OPCML: variants seen among roughly 807,000 people sequenced by gnomAD.
OPCML encodes opioid-binding protein/cell adhesion molecule.
OPCML carries 13 observed loss-of-function variants against 37.8 expected under a neutral mutation model. That is an observed-to-expected ratio of 0.34 (90% confidence interval 0.22 to 0.55). The LOEUF is 0.55. Ranked by LOEUF, OPCML falls within the 20% of genes least tolerant of loss-of-function variation. The pLI, the probability that OPCML is intolerant of heterozygous loss-of-function variation, is 0.91. For missense variants in OPCML, 341 were observed against 435.6 expected (o/e 0.78, Z 1.93); for synonymous variants, 176 against 168.8 (o/e 1.04, Z -0.33).
chr11:132,515,358 G>C (rs1004185371), intron 4 of OPCML, among the ~76,000 whole-genome samples: 2 of 152,140 alleles, frequency 1.3e-5, no homozygotes, highest in African/African-American at 4.8e-5. Context: ...TTTGATTAAG[G>C]AGGCTTCCCA....
rs552154053 is a variant in OPCML, at chr11:133,206,503, G to T, written c.62-263493C>A. On this transcript the variant is annotated intron_variant, in intron 1 of 7. Coordinates refer to ENST00000524381, the MANE Select transcript of OPCML (RefSeq NM_001012393.5). The surrounding 1 kb of genome is among the most constrained non-coding windows in gnomAD (Gnocchi z 4.7). ...ATTCTTCCGTTAAAGTTGTGAAAGC[G>T]TGTTAAGAGAGGAAGAGAAACACCC... Among the ~76,000 whole-genome samples the T allele has an allele frequency of 6.6e-6, 1 of 152,190 alleles. No homozygotes were observed. Among genetic ancestry groups the T allele is most frequent in the Non-Finnish European group, 1.5e-5 (1 of 68,038 alleles).
intron 1 of OPCML, among the ~76,000 whole-genome samples, chr11:133,228,928 T>C (rs1368453086): frequency 1.3e-5 from 2 of 152,236 alleles, no homozygotes; most frequent in Admixed American, 6.5e-5. Flanking sequence ...AGACTTTTTA[T>C]GTGCTGAGGT....
chr11:133,447,762 A>C (rs1659961722), intron 1 of OPCML, among the ~76,000 whole-genome samples: 2 of 152,180 alleles, frequency 1.3e-5, no homozygotes, highest in South Asian at 4.1e-4. Context: ...TTATTTATCC[A>C]GTCCACCACT....
chr11:132,748,865 C>T (rs1345272978), intron 2 of OPCML, among the ~76,000 whole-genome samples: 4 of 152,176 alleles, frequency 2.6e-5, no homozygotes, highest in Admixed American at 6.5e-5. Context: ...TTCCACAGGG[C>T]GGCTGAGGTG....
chr11:133,415,054 C>T (rs997308843), intron 1 of OPCML, among the ~76,000 whole-genome samples: 40 of 152,090 alleles, frequency 2.6e-4, no homozygotes, highest in African/African-American at 8.9e-4. Flanking sequence ...TGTGAATTTG[C>T]GAGTTATTTA....
At position 132,552,950 on chromosome 11, in the gene OPCML, G is replaced by A. The variant is rs539471492; in HGVS notation, c.380-23764C>T. Among the ~76,000 whole-genome samples, 6 of 151,870 alleles carry A rather than the reference G, an allele frequency of 4.0e-5. No individual in the cohort carries two copies. The South Asian group carries it at 1.3e-3, about 32-fold the overall frequency. On this transcript the variant is annotated intron_variant, in intron 3 of 7. Transcript: ENST00000524381. ...CTGGCTAATTTTTGTATTTTTAGTA[G>A]ATACGGTGTTTCACAGTGTTAGCCA...
chr11:133,382,511 G>C (rs1306758050), intron 1 of OPCML, among the ~76,000 whole-genome samples: 1 of 152,068 alleles, frequency 6.6e-6, no homozygotes, highest in Non-Finnish European at 1.5e-5. Context: ...CTGGCCTGGG[G>C]TCACACACCC....
chr11:132,496,282 G>A (rs1203627032), intron 4 of OPCML, among the ~76,000 whole-genome samples: 1 of 152,124 alleles, frequency 6.6e-6, no homozygotes, highest in Non-Finnish European at 1.5e-5. Flanking sequence ...GTCTGAAGGG[G>A]GAGATGTTAT....
chr11:133,066,416 G>A (rs1388451219), intron 1 of OPCML: 1 of 152,236 alleles, frequency 6.6e-6, no homozygotes, highest in Non-Finnish European at 1.5e-5. Context: ...AGTCTAGGGA[G>A]AGTACTAGGA....
In OPCML at chr11:132,653,317, T is replaced by G. The variant is rs542085806; in HGVS notation, c.379+3770A>C. ...GCCTCTCAGGCACCTCTGGATCTTT[T>G]CAGGTAGGCCCACGGTCACCCTGGC... On this transcript the variant is annotated intron_variant, in intron 3 of 7. Transcript: ENST00000524381. Among the ~76,000 whole-genome samples the G allele has an allele frequency of 4.9e-4, 75 of 152,296 alleles. No homozygotes were observed. The South Asian group carries it at 0.016, about 32-fold the overall frequency.
intron 2 of OPCML, among the ~76,000 whole-genome samples, chr11:132,930,636 A>T (rs1405817232): frequency 6.6e-6 from 1 of 152,190 alleles, no homozygotes; most frequent in Non-Finnish European, 1.5e-5. Context: ...TAAAATACTT[A>T]GGAATAAATT....
intron 3 of OPCML, among the ~76,000 whole-genome samples, chr11:132,627,378 ATG>A (rs1939813090): frequency 6.6e-6 from 1 of 152,202 alleles, no homozygotes; most frequent in Admixed American, 6.5e-5. Context: ...ATAATTCCTA[ATG>A]TTAAGTATTA....
intron 1 of OPCML, among the ~76,000 whole-genome samples, chr11:133,121,261 T>C (rs553844296): frequency 1.2e-4 from 19 of 152,206 alleles, no homozygotes; most frequent in Non-Finnish European, 2.2e-4. Context: ...TAGCAAACCA[T>C]AGCATTTCAA....
At chr11:132,849,743 G>A (rs531999467) in intron 2 of OPCML, among the ~76,000 whole-genome samples, 1 of 152,196 alleles carries the variant, frequency 6.6e-6, no homozygotes, top group Non-Finnish European at 1.5e-5. Context: ...GGACCCAGAG[G>A]ACATGGTTCA....
At chr11:132,779,165 G>T in intron 2 of OPCML, among the ~76,000 whole-genome samples, 1 of 151,872 alleles carries the variant, frequency 6.6e-6, no homozygotes, top group East Asian at 1.9e-4. Context: ...ACAGGGTTTC[G>T]CCATGCTGGC....
At chr11:133,200,608 T>A (rs780776280) in intron 1 of OPCML, among the ~76,000 whole-genome samples, 19 of 152,166 alleles carry the variant, frequency 1.2e-4, no homozygotes, top group Non-Finnish European at 2.8e-4. Flanking sequence ...GACATAGACA[T>A]ACAGATATAG....
At chr11:132,469,511 ATGTG>A (rs966808589) in intron 4 of OPCML, among the ~76,000 whole-genome samples, 1 of 136,586 alleles carries the variant, frequency 7.3e-6, no homozygotes, top group Non-Finnish European at 1.6e-5. Context: ...ATGTGTGTGT[ATGTG>A]TGTGGGGTGT....
At chr11:133,384,796 T>A (rs894367245) in intron 1 of OPCML, among the ~76,000 whole-genome samples, 24 of 152,154 alleles carry the variant, frequency 1.6e-4, no homozygotes, top group African/African-American at 5.1e-4. Context: ...CCCTCAGAAG[T>A]GGACATGTGA....
At chr11:132,620,701 C>G (rs1228653818) in intron 3 of OPCML, among the ~76,000 whole-genome samples, 1 of 152,188 alleles carries the variant, frequency 6.6e-6, no homozygotes, top group Non-Finnish European at 1.5e-5. Flanking sequence ...CATTGGTTCT[C>G]AGAAAGAACA....
Sources: allele counts gnomAD v4.1 joint callset (sites outside exome capture counted in the v4.1 genomes callset), GRCh38; gene constraint gnomAD v4.1.1; non-coding constraint Gnocchi (gnomAD v3.1); transcripts MANE v1.5; gene names NCBI Gene and HGNC (gene_info 2026-07-23, HGNC 2026-07-21).